CC2D2A: variants seen among roughly 807,000 people sequenced by gnomAD.
CC2D2A encodes the protein coiled-coil and C2 domain containing 2A.
A neutral mutation model predicts 212.9 loss-of-function variants in CC2D2A; 155 were observed. The observed-to-expected ratio is 0.73, with a 90% CI of 0.64 to 0.83. CC2D2A has a LOEUF of 0.83. CC2D2A is among the 40% of genes least tolerant of loss of function. The pLI is 0.00. For missense variants in CC2D2A, 1,856 were observed against 1,956.2 expected (o/e 0.95, Z 0.97); for synonymous variants, 667 against 686.5 (o/e 0.97, Z 0.44).
At chr4:15,487,171 G>T (rs1715045635) in intron 4 of CC2D2A, among the ~76,000 whole-genome samples, 1 of 151,950 alleles carries the variant, frequency 6.6e-6, no homozygotes, top group Non-Finnish European at 1.5e-5. Flanking sequence ...TGTTTTATTT[G>T]CAGATTAAGT....
chr4:15,563,574 T>C, intron 24 of CC2D2A, 52 bp downstream of exon 24: 1 of 1,565,582 alleles, frequency 6.4e-7, no homozygotes, highest in Non-Finnish European at 8.7e-7. Flanking sequence ...CCCAGCCAAG[T>C]CAATCGCTCC....
intron 4 of CC2D2A, chr4:15,493,064 T>G (rs2108988501): frequency 2.7e-6 from 1 of 364,160 alleles, no homozygotes; most frequent in East Asian, 7.3e-5. Flanking sequence ...CCTCAATTTT[T>G]GGGTTCCCCA....
intron 11 of CC2D2A, among the ~76,000 whole-genome samples, chr4:15,520,212 C>A (rs555233796): frequency 6.6e-6 from 1 of 152,086 alleles, no homozygotes; most frequent in Non-Finnish European, 1.5e-5. Context: ...ATGAGTATGA[C>A]CTTTTTAAAA....
chr4:15,584,808 C>A (rs1449673177), intron 30 of CC2D2A, among the ~76,000 whole-genome samples: 1 of 152,078 alleles, frequency 6.6e-6, no homozygotes, highest in East Asian at 1.9e-4. Context: ...TAGCAGAAAA[C>A]CCCAAATAGT....
rs1191597081 is a variant in CC2D2A, at chr4:15,563,389, C to T, written c.3049C>T (p.Gln1017Ter). The change falls in exon 24 of 37, where the codon CAA (glutamine) becomes TAA (stop). Residue 1017 changes from glutamine (Q) to a stop codon, truncating the protein, a stop_gained. Coordinates refer to ENST00000424120, the MANE Select transcript of CC2D2A (RefSeq NM_001378615.1). LOFTEE classifies it high-confidence loss of function. ...CCTAAGCCTTTTCAAGCTGGCAGAA[C>T]AAAAGCGACCACTGCGGCCAAGGAG... ...LGLSLFKLAE[Q>*]KRPLRPRRKG... 16 of 1,604,790 alleles carry T rather than the reference C, an allele frequency of 1.0e-5. No homozygotes were observed. The highest frequency in any genetic ancestry group is 1.1e-5 in the Non-Finnish European group (13 of 1,175,372).
intron 17 of CC2D2A, among the ~76,000 whole-genome samples, chr4:15,544,274 C>A (rs917572039): frequency 2.0e-5 from 3 of 152,192 alleles, no homozygotes; most frequent in Non-Finnish European, 1.5e-5. Flanking sequence ...AGAGGAGGAG[C>A]TGCAGGGGCC....
At chr4:15,487,086 T>C (rs1715042001) in intron 4 of CC2D2A, among the ~76,000 whole-genome samples, 1 of 152,092 alleles carries the variant, frequency 6.6e-6, no homozygotes, top group South Asian at 2.1e-4. Flanking sequence ...CTTGAGCATG[T>C]TCCATGTGCT....
chr4:15,482,545 C>G (rs1222425286), intron 4 of CC2D2A, among the ~76,000 whole-genome samples: 2 of 152,094 alleles, frequency 1.3e-5, no homozygotes, highest in Non-Finnish European at 2.9e-5. Context: ...GGGAGAGGCT[C>G]TACTGTCTCC....
At chr4:15,548,166 A>G (rs1229829312) in intron 17 of CC2D2A, among the ~76,000 whole-genome samples, 1 of 147,824 alleles carries the variant, frequency 6.8e-6, no homozygotes, top group Non-Finnish European at 1.5e-5. Context: ...TTTTTTTCTC[A>G]TTAAAAAAAT....
intron 16 of CC2D2A, among the ~76,000 whole-genome samples, chr4:15,539,377 T>G (rs908138996): frequency 4.6e-5 from 7 of 152,170 alleles, no homozygotes; most frequent in African/African-American, 1.7e-4. Context: ...AGATCTATCA[T>G]GAATACAGGG....
intron 33 of CC2D2A, among the ~76,000 whole-genome samples, chr4:15,594,194 TATC>T (rs1270567054): frequency 6.6e-6 from 1 of 152,154 alleles, no homozygotes; most frequent in African/African-American, 2.4e-5. Flanking sequence ...CCTTACTGGA[TATC>T]ATCATAGATT....
chr4:15,502,543 G>C lies in CC2D2A; in HGVS notation c.336+26G>C, dbSNP rs1577329803. ...GTGAGAGAAACCACATGAATATTCT[G>C]TTCAGTGCTGATTGCAATCTTCCAG... On this transcript the variant is annotated intron_variant, in intron 5 of 36. Coordinates refer to ENST00000424120, the MANE Select transcript of CC2D2A (RefSeq NM_001378615.1). The C allele has an allele frequency of 3.2e-6, 5 of 1,562,620 alleles. No homozygotes were observed. In the South Asian group the frequency reaches 4.7e-5, roughly 15 times the overall value.
At chr4:15,549,149 T>A (rs1718865739) in intron 17 of CC2D2A, among the ~76,000 whole-genome samples, 1 of 152,210 alleles carries the variant, frequency 6.6e-6, no homozygotes, top group South Asian at 2.1e-4. Flanking sequence ...AAGATGGTCA[T>A]AACATAGTGA....
intron 28 of CC2D2A, among the ~76,000 whole-genome samples, chr4:15,571,998 T>G (rs1451802578): frequency 6.6e-6 from 1 of 152,200 alleles, no homozygotes; most frequent in South Asian, 2.1e-4. Flanking sequence ...CCAATAGCTC[T>G]GTCATAAAAG....
intron 6 of CC2D2A, among the ~76,000 whole-genome samples, chr4:15,505,868 G>C (rs1006418256): frequency 6.6e-6 from 1 of 152,192 alleles, no homozygotes; most frequent in Non-Finnish European, 1.5e-5. Context: ...ATAAAAATTT[G>C]AGGGGTCTAC....
chr4:15,534,310 C>A (rs1414184043), intron 14 of CC2D2A, among the ~76,000 whole-genome samples: 2 of 152,098 alleles, frequency 1.3e-5, no homozygotes, highest in Non-Finnish European at 2.9e-5. Context: ...TTGATGGATA[C>A]AAATTCTTAA....
At chr4:15,480,148 T>C (rs1577311198) in intron 3 of CC2D2A, among the ~76,000 whole-genome samples, 1 of 152,210 alleles carries the variant, frequency 6.6e-6, no homozygotes. Flanking sequence ...AAGAAAGCAG[T>C]GTACAAGGAA....
chr4:15,516,841 C>A, intron 11 of CC2D2A, 85 bp downstream of exon 11: 17 of 1,283,740 alleles, frequency 1.3e-5, no homozygotes, highest in Non-Finnish European at 1.2e-5. Flanking sequence ...ATATTTATAA[C>A]ATTCTACTTT....
chr4:15,475,095 G>A (rs566596131), intron 1 of CC2D2A, among the ~76,000 whole-genome samples: 1 of 152,178 alleles, frequency 6.6e-6, no homozygotes, highest in East Asian at 1.9e-4. Context: ...CCAACATGGT[G>A]AAACCCTGTC....
Sources: gnomAD v4.1 joint callset for allele counts (sites outside exome capture counted in the v4.1 genomes callset) on GRCh38, gnomAD v4.1.1 for gene constraint, MANE v1.5 for transcripts, NCBI Gene and HGNC (gene_info 2026-07-23, HGNC 2026-07-21) for gene names.